The following RABGAP1L variants were observed in gnomAD, a reference collection of about 807,000 sequenced individuals.
The protein encoded by RABGAP1L is rab GTPase-activating protein 1-like.
RABGAP1L carries 63 observed loss-of-function variants against 137.7 expected under a neutral mutation model. The observed-to-expected ratio is 0.46, with a 90% CI of 0.37 to 0.56. RABGAP1L has a LOEUF of 0.56. Ranked by LOEUF, RABGAP1L falls within the 20% of genes least tolerant of loss-of-function variation. The pLI is 0.00. For synonymous variants in RABGAP1L, 431 were observed against 433.7 expected (o/e 0.99, Z 0.08); for missense variants, 1,095 against 1,244.0 (o/e 0.88, Z 1.80).
At chr1:174,473,087 T>C (rs1658118339) in intron 13 of RABGAP1L, among the ~76,000 whole-genome samples, 1 of 152,190 alleles carries the variant, frequency 6.6e-6, no homozygotes, top group African/African-American at 2.4e-5. Flanking sequence ...TTTTGAGAAG[T>C]GTTAGGAAGA....
intron 13 of RABGAP1L, among the ~76,000 whole-genome samples, chr1:174,504,921 T>G (rs76164625): frequency 0.12 from 18,165 of 151,994 alleles, 3,664 homozygotes; most frequent in African/African-American, 0.41. Flanking sequence ...AACAACAGGG[T>G]GAGGAGTCAT....
At chr1:174,378,745 A>G (rs1390202976) in intron 12 of RABGAP1L, among the ~76,000 whole-genome samples, 2 of 148,090 alleles carry the variant, frequency 1.4e-5, no homozygotes, top group African/African-American at 5.0e-5. Context: ...TTGCCTGTTC[A>G]CTCTGATGGT....
At chr1:174,412,754 G>T (rs1348555803) in intron 13 of RABGAP1L, among the ~76,000 whole-genome samples, 1 of 152,022 alleles carries the variant, frequency 6.6e-6, no homozygotes, top group African/African-American at 2.4e-5. Context: ...TTCTTAGTTG[G>T]AATTTTTTTT....
At chr1:174,541,530 A>G (rs1021841727) in intron 13 of RABGAP1L, among the ~76,000 whole-genome samples, 5 of 152,190 alleles carry the variant, frequency 3.3e-5, no homozygotes, top group Non-Finnish European at 5.9e-5. Flanking sequence ...TAATCCCAGC[A>G]CTTTTGGAGG....
chr1:174,962,826 G>T (rs1669281187), intron 20 of RABGAP1L, among the ~76,000 whole-genome samples: 1 of 152,146 alleles, frequency 6.6e-6, no homozygotes, highest in African/African-American at 2.4e-5. Context: ...GGCTGGGTGT[G>T]GTGGCTCACA....
intron 13 of RABGAP1L, among the ~76,000 whole-genome samples, chr1:174,555,993 CTTTTTTTT>C: frequency 8.7e-6 from 1 of 115,462 alleles, no homozygotes; most frequent in Admixed American, 9.2e-5. Context: ...GTTCGTTTGC[CTTTTTTTT>C]TTTTTTTTTT....
At chr1:174,589,614 C>G (rs1049400526) in intron 13 of RABGAP1L, among the ~76,000 whole-genome samples, 2 of 152,012 alleles carry the variant, frequency 1.3e-5, no homozygotes, top group African/African-American at 4.8e-5. Context: ...AGCCTTTAGT[C>G]CACTTTTACT....
intron 1 of RABGAP1L, among the ~76,000 whole-genome samples, chr1:174,200,768 T>C (rs548899287): frequency 6.6e-6 from 1 of 152,264 alleles, no homozygotes; most frequent in Non-Finnish European, 1.5e-5. Flanking sequence ...TGCTGCAATA[T>C]TATTTGATAC....
rs185409392 is a variant in RABGAP1L at position 174,199,310 on chromosome 1, A to T, written c.-33-19815A>T. Reference sequence around the variant, plus strand: ...TCATGTATTGTTTTTTTTCTTTTTTAAGACAGGGTCTCGCTCTACTGCCCA... The same window carrying T: ...TCATGTATTGTTTTTTTTCTTTTTTTAGACAGGGTCTCGCTCTACTGCCCA... On this transcript the variant is annotated intron_variant, in intron 1 of 25. Transcript: ENST00000681986. 5.5e-3 allele frequency among the ~76,000 whole-genome samples: 835 copies of T among 151,792 alleles called. 12 individuals are homozygous for T. The highest frequency in any genetic ancestry group is 4.9e-3 in the Non-Finnish European group (331 of 67,926).
chr1:174,651,851 G>T (rs906323921), intron 14 of RABGAP1L, among the ~76,000 whole-genome samples: 1 of 152,104 alleles, frequency 6.6e-6, no homozygotes, highest in South Asian at 2.1e-4. Context: ...AGTTAATATT[G>T]TTATGTGTGA....
intron 18 of RABGAP1L, among the ~76,000 whole-genome samples, chr1:174,786,486 T>C (rs1271236842): frequency 6.6e-6 from 1 of 152,230 alleles, no homozygotes; most frequent in Non-Finnish European, 1.5e-5. Flanking sequence ...TGAACTCTAA[T>C]TGTGTCCATC....
intron 19 of RABGAP1L, among the ~76,000 whole-genome samples, chr1:174,873,609 G>A (rs181463685): frequency 6.6e-5 from 10 of 151,364 alleles, no homozygotes; most frequent in Non-Finnish European, 1.0e-4. Context: ...TGCCTCCCGG[G>A]TTCAAGTGAT....
chr1:174,542,959 C>A (rs965534176), intron 13 of RABGAP1L, among the ~76,000 whole-genome samples: 3 of 152,108 alleles, frequency 2.0e-5, no homozygotes, highest in African/African-American at 7.2e-5. Context: ...GTCTGGGAGA[C>A]AGTTTGTTAT....
intron 11 of RABGAP1L, among the ~76,000 whole-genome samples, chr1:174,309,768 A>G (rs1678645318): frequency 6.6e-6 from 1 of 151,912 alleles, no homozygotes; most frequent in South Asian, 2.1e-4. Context: ...TGTTCTGTTG[A>G]GGTTTTTTGC....
At chr1:174,393,950 G>A (rs1647495736) in intron 12 of RABGAP1L, 45 bp from the exon 13 acceptor site, 2 of 1,593,362 alleles carry the variant, frequency 1.3e-6, no homozygotes, top group Admixed American at 1.7e-5. Flanking sequence ...AGCAGTTCAG[G>A]AGTTGTAAAG....
rs1022036364 is a variant in RABGAP1L at position 174,516,063 on chromosome 1, G to T, written c.1711-121312G>T. ...ATATTCAACTGCAAAATAAACTTAA[G>T]AACTTTTATTAACAATATAGATTAT... On this transcript the variant is annotated intron_variant, in intron 13 of 25. Transcript: ENST00000681986. Among the ~76,000 whole-genome samples, 9 of 148,442 alleles carry T rather than the reference G, an allele frequency of 6.1e-5. No homozygotes were observed. In the South Asian group the frequency reaches 1.9e-3, roughly 32 times the overall value.
intron 13 of RABGAP1L, among the ~76,000 whole-genome samples, chr1:174,614,151 C>T (rs1426528198): frequency 3.3e-5 from 5 of 150,034 alleles, no homozygotes; most frequent in Admixed American, 6.7e-5. Context: ...TCTTCCTAGC[C>T]TCGATGGTCT....
chr1:174,879,633 G>C (rs1653819160), intron 19 of RABGAP1L, among the ~76,000 whole-genome samples: 1 of 152,022 alleles, frequency 6.6e-6, no homozygotes, highest in African/African-American at 2.4e-5. Flanking sequence ...ATTATGTGTT[G>C]ATAATTATTG....
chr1:174,636,760 G>A (rs969699064), intron 13 of RABGAP1L, among the ~76,000 whole-genome samples: 1 of 152,180 alleles, frequency 6.6e-6, no homozygotes, highest in African/African-American at 2.4e-5. Context: ...TGGAATGACA[G>A]TTCTGGAGAG....
Sources: allele counts gnomAD v4.1 joint callset (sites outside exome capture counted in the v4.1 genomes callset), GRCh38; gene constraint gnomAD v4.1.1; transcripts MANE v1.5; gene names NCBI Gene and HGNC (gene_info 2026-07-23, HGNC 2026-07-21).